MED12L: variants seen among roughly 807,000 people sequenced by gnomAD.
MED12L encodes the protein mediator of RNA polymerase II transcription subunit 12-like protein.
A neutral mutation model predicts 281.3 loss-of-function variants in MED12L; 60 were observed. The ratio of observed to expected loss-of-function variants is 0.21; its 90% confidence interval spans 0.17 to 0.26. The LOEUF (loss-of-function observed/expected upper bound fraction) is 0.26, where lower values mean the gene tolerates loss of function less well. MED12L is among the 10% of genes least tolerant of loss of function. MED12L has a pLI of 1.00. For missense variants in MED12L, 2,146 were observed against 2,680.9 expected, an observed-to-expected ratio of 0.80 and a Z score of 4.41; for synonymous variants, 974 against 987.2, an observed-to-expected ratio of 0.99 and a Z score of 0.25.
chr3:151,193,593 G>C lies in MED12L; in HGVS notation c.2177G>C (p.Arg726Thr). 6.2e-7 allele frequency: 1 copy of C among 1,614,004 alleles called. No homozygotes were observed. Among genetic ancestry groups the C allele is most frequent in the Non-Finnish European group, 8.5e-7 (1 of 1,179,900 alleles). The change falls in exon 16 of 45, where the codon AGG (arginine) becomes ACG (threonine). Residue 726 changes from arginine (R) to threonine (T), a missense_variant. Around this residue, in one of 9 missense-constraint regions of MED12L, gnomAD observed 722 missense variants for 861.2 expected, o/e 0.84. Coordinates refer to ENST00000687756, the MANE Select transcript of MED12L (RefSeq NM_001393769.1). ...CEKLVKREKP[R>T]ELIFPSNYDL... Reference sequence around the variant, plus strand: ...AAGTTGGTGAAGAGGGAAAAGCCAAGGGAATTAATTTTTCCATCTAATTAT... The same window carrying C: ...AAGTTGGTGAAGAGGGAAAAGCCAACGGAATTAATTTTTCCATCTAATTAT...
intron 16 of MED12L, among the ~76,000 whole-genome samples, chr3:151,300,893 T>C (rs901800447): frequency 1.3e-5 from 2 of 152,218 alleles, no homozygotes; most frequent in Non-Finnish European, 2.9e-5. Flanking sequence ...TTTATGTTCC[T>C]GTGTGTGTCC....
chr3:151,310,158 A>G (rs1005075593), intron 16 of MED12L, among the ~76,000 whole-genome samples: 6 of 152,236 alleles, frequency 3.9e-5, no homozygotes, highest in African/African-American at 1.4e-4. Flanking sequence ...CAGTGAGGAA[A>G]GTCAGCCAGG....
intron 16 of MED12L, chr3:151,199,577 GGT>G: frequency 1.8e-6 from 1 of 549,576 alleles, no homozygotes; most frequent in Non-Finnish European, 3.2e-6. Flanking sequence ...CATATGGCCT[GGT>G]GAGAACATAC....
intron 2 of MED12L, among the ~76,000 whole-genome samples, chr3:151,092,116 A>G (rs1234544998): frequency 1.3e-5 from 2 of 152,194 alleles, no homozygotes; most frequent in African/African-American, 4.8e-5. Context: ...GTGGGACCAC[A>G]GGCTGCCTCT....
chr3:151,115,388 AC>A (rs1712598434), intron 2 of MED12L, among the ~76,000 whole-genome samples: 1 of 111,778 alleles, frequency 8.9e-6, no homozygotes, highest in Admixed American at 1.4e-4. Flanking sequence ...TCACTCTGTC[AC>A]CCAGGCTGGA....
chr3:151,338,682 C>T lies in MED12L; in HGVS notation c.2251-11377C>T, dbSNP rs1315405766. ...AAGAAAAATAATAAAGTTTGATTTA[C>T]TCCGGATTTGAAAGAAAATCCTCAT... On this transcript the variant is annotated intron_variant, in intron 16 of 44. Transcript: ENST00000687756. 2.5e-6 allele frequency: 4 copies of T among 1,613,712 alleles called. No homozygotes were observed. Among genetic ancestry groups the T allele is most frequent in the Admixed American group, 3.3e-5 (2 of 59,892 alleles).
At chr3:151,285,897 G>A (rs1743440186) in intron 16 of MED12L, among the ~76,000 whole-genome samples, 1 of 152,142 alleles carries the variant, frequency 6.6e-6, no homozygotes, top group African/African-American at 2.4e-5. Context: ...CATGGAATCC[G>A]TTGGCTCCTT....
chr3:151,385,712 CT>C (rs1713211076), intron 36 of MED12L, among the ~76,000 whole-genome samples: 1 of 97,234 alleles, frequency 1.0e-5, no homozygotes, highest in Non-Finnish European at 2.4e-5. Context: ...GACCCTGTCT[CT>C]GGGGGGGGAA....
chr3:151,432,809 G>A lies in MED12L; in HGVS notation c.*5G>A. 4 of 1,611,064 alleles carry A rather than the reference G, an allele frequency of 2.5e-6. No homozygotes were observed. The highest frequency in any genetic ancestry group is 3.4e-6 in the Non-Finnish European group (4 of 1,177,866). ...GGGCATCCTTCACACTTCTGAATCT[G>A]CAAGAGGAGAAGACATGACGTTTTA... On this transcript the variant is annotated 3_prime_UTR_variant, in exon 45 of 45. Transcript: ENST00000687756.
intron 39 of MED12L, among the ~76,000 whole-genome samples, chr3:151,400,442 A>C (rs1274267235): frequency 6.6e-6 from 1 of 152,180 alleles, no homozygotes; most frequent in African/African-American, 2.4e-5. Context: ...AGGACAGAAA[A>C]GAGGAAGCTT....
At chr3:151,421,349 T>C (rs568094841) in intron 43 of MED12L, among the ~76,000 whole-genome samples, 1 of 152,252 alleles carries the variant, frequency 6.6e-6, no homozygotes, top group Admixed American at 6.5e-5. Flanking sequence ...CTTCCCCAAA[T>C]TTCTTTGTCA....
chr3:151,152,523 T>A (rs540901924), intron 5 of MED12L, among the ~76,000 whole-genome samples: 1 of 152,122 alleles, frequency 6.6e-6, no homozygotes, highest in African/African-American at 2.4e-5. Context: ...GGGTCTGACA[T>A]TGGTGACAGC....
rs1714752048 is a variant in MED12L at position 151,394,863 on chromosome 3, A to C, written c.5816A>C (p.Gln1939Pro). Residue 1939 changes from glutamine (Q) to proline (P), a missense_variant, in exon 39 of 45, where the codon CAA becomes CCA. Physicochemically the swap from Gln to Pro is moderately conservative, Grantham distance 76. Around this residue, in one of 9 missense-constraint regions of MED12L, gnomAD observed 496 missense variants for 512.0 expected, o/e 0.97. Transcript: ENST00000687756. Reference protein sequence around the residue: ...LLRQAQTRPFQQGQPGDQAAL... With the variant: ...LLRQAQTRPFPQGQPGDQAAL... ...AGGCAAGCCCAGACTCGGCCTTTCC[A>C]ACAGGTTTGTCCAGACCCCAGCAAT... The C allele has an allele frequency of 6.2e-7, 1 of 1,613,936 alleles. No homozygotes were observed. Among genetic ancestry groups the C allele is most frequent in the African/African-American group, 1.3e-5 (1 of 75,068 alleles).
At chr3:151,368,777 T>TC (rs1460983561) in intron 25 of MED12L, among the ~76,000 whole-genome samples, 1 of 146,216 alleles carries the variant, frequency 6.8e-6, no homozygotes, top group African/African-American at 2.5e-5. Context: ...TTTTTTTTTT[T>TC]CCAAGACAAA....
intron 13 of MED12L, among the ~76,000 whole-genome samples, chr3:151,190,295 C>T (rs1274771539): frequency 2.0e-5 from 3 of 152,022 alleles, no homozygotes; most frequent in Non-Finnish European, 4.4e-5. Flanking sequence ...CCTCAGCCTC[C>T]CGAGTAGCTG....
At chr3:151,404,989 T>C (rs1056894377) in intron 39 of MED12L, among the ~76,000 whole-genome samples, 2 of 152,190 alleles carry the variant, frequency 1.3e-5, no homozygotes, top group African/African-American at 4.8e-5. Flanking sequence ...TCATTAAAAA[T>C]TTAAAACTTA....
chr3:151,287,561 C>T (rs1020709309), intron 16 of MED12L, among the ~76,000 whole-genome samples: 3 of 152,174 alleles, frequency 2.0e-5, no homozygotes, highest in Non-Finnish European at 4.4e-5. Context: ...GAAAGTATTG[C>T]AGTCCTGGTG....
chr3:151,337,153 C>T (rs1414744489), intron 16 of MED12L: 1 of 151,926 alleles, frequency 6.6e-6, no homozygotes, highest in Non-Finnish European at 1.5e-5. Flanking sequence ...AAGTAAGTCT[C>T]CTTATTTTAA....
chr3:151,246,115 A>T (rs1735397301), intron 16 of MED12L, among the ~76,000 whole-genome samples: 1 of 152,100 alleles, frequency 6.6e-6, no homozygotes, highest in Non-Finnish European at 1.5e-5. Flanking sequence ...TCAAGGAAAT[A>T]AAAGAGGATA....
Sources: allele counts gnomAD v4.1 joint callset (sites outside exome capture counted in the v4.1 genomes callset), GRCh38; gene constraint gnomAD v4.1.1; regional missense constraint gnomAD v4.1.1; transcripts MANE v1.5; gene names NCBI Gene and HGNC (gene_info 2026-07-23, HGNC 2026-07-21).